The following CCDC178 variants were observed in gnomAD, a reference collection of about 807,000 sequenced individuals.
CCDC178 encodes coiled-coil domain containing 178.
CCDC178 carries 126 observed loss-of-function variants against 117.4 expected under a neutral mutation model. That is an observed-to-expected ratio of 1.07 (90% CI 0.93 to 1.24). The LOEUF (loss-of-function observed/expected upper bound fraction) is 1.24, where lower values mean the gene tolerates loss of function less well. Among genes scored for constraint, CCDC178 ranks in the 50% most tolerant of loss-of-function variants. CCDC178 has a pLI of 0.00. For missense variants in CCDC178, 1,030 were observed against 986.9 expected (o/e 1.04, Z -0.59); for synonymous variants, 283 against 313.4 (o/e 0.90, Z 1.02).
chr18:33,348,836 A>G, intron 8 of CCDC178, 54 bp downstream of exon 8: 1 of 1,053,876 alleles, frequency 9.5e-7, no homozygotes, highest in African/African-American at 1.6e-5. Flanking sequence ...TATTAAATGA[A>G]GTCAATGAAC....
At chr18:33,115,930 TAA>T (rs1033380979) in intron 20 of CCDC178, among the ~76,000 whole-genome samples, 47 of 152,262 alleles carry the variant, frequency 3.1e-4, no homozygotes, top group African/African-American at 1.1e-3. Flanking sequence ...TAATTCTTAC[TAA>T]GTTTATTTTG....
At chr18:32,982,606 TA>T (rs1190717308) in intron 21 of CCDC178, among the ~76,000 whole-genome samples, 5 of 152,134 alleles carry the variant, frequency 3.3e-5, no homozygotes, top group Non-Finnish European at 7.4e-5. Flanking sequence ...AACATCTTTA[TA>T]AAAACTGGAA....
chr18:33,337,717 T>C (rs868236034), intron 9 of CCDC178, among the ~76,000 whole-genome samples: 2 of 152,134 alleles, frequency 1.3e-5, no homozygotes, highest in South Asian at 2.1e-4. Context: ...TGTAGAAGAA[T>C]GAAACTAGAT....
chr18:33,293,032 T>G lies in CCDC178; in HGVS notation c.1176+127A>C. ...AATTTGTTATGCAGCAATAGAAAAC[T>G]AATACAGGCAAATTGGCTAAATATA... On this transcript the variant is annotated intron_variant, in intron 12 of 22. Transcript: ENST00000383096. 4 of 595,412 alleles carry G rather than the reference T, an allele frequency of 6.7e-6. No homozygotes were observed. The East Asian group carries it at 9.2e-5, about 14-fold the overall frequency. 36.9% of individuals were successfully genotyped at this position (595,412 alleles called of 1,614,324 possible).
At chr18:32,989,523 C>T (rs2055343069) in intron 21 of CCDC178, among the ~76,000 whole-genome samples, 1 of 152,100 alleles carries the variant, frequency 6.6e-6, no homozygotes, top group Non-Finnish European at 1.5e-5. Context: ...GCCAAACCAC[C>T]TGTGGCAGCT....
intron 2 of CCDC178, among the ~76,000 whole-genome samples, chr18:33,425,763 C>T (rs2064114134): frequency 6.6e-6 from 1 of 152,058 alleles, no homozygotes; most frequent in Admixed American, 6.6e-5. Context: ...CATGATGATA[C>T]TGGGGCTGAT....
At chr18:33,439,581 T>A (rs1001810481) in intron 2 of CCDC178, among the ~76,000 whole-genome samples, 1 of 152,176 alleles carries the variant, frequency 6.6e-6, no homozygotes, top group African/African-American at 2.4e-5. Context: ...TAGCTGAAAA[T>A]CCTCTGGATT....
rs192048363 is a variant in CCDC178 at position 33,113,641 on chromosome 18, C to T, written c.2239-20731G>A. ...AATCTCCAAGCTTCAGGGCATAAAC[C>T]GATCACCAGCTGGGGTGAAAAAGAA... On this transcript the variant is annotated intron_variant, in intron 20 of 22. Coordinates refer to ENST00000383096, the MANE Select transcript of CCDC178 (RefSeq NM_001105528.4). Among the ~76,000 whole-genome samples the T allele has an allele frequency of 1.4e-3, 212 of 152,062 alleles. 3 individuals carry two copies. The highest frequency in any genetic ancestry group is 0.011 in the Admixed American group (171 of 15,242).
chr18:33,127,408 A>G (rs959814853), intron 20 of CCDC178, among the ~76,000 whole-genome samples: 4 of 152,060 alleles, frequency 2.6e-5, no homozygotes, highest in African/African-American at 9.7e-5. Context: ...ACCCATAAAT[A>G]GCTTCATATT....
chr18:33,281,096 G>GTAT (rs1486437921), intron 12 of CCDC178, among the ~76,000 whole-genome samples: 1 of 29,632 alleles, frequency 3.4e-5, no homozygotes. Flanking sequence ...AAAACTTAAA[G>GTAT]TATAATAATA....
At position 33,116,995 on chromosome 18, in the gene CCDC178, T is replaced by C. The variant is rs183763435; in HGVS notation, c.2239-24085A>G. 2.0e-5 allele frequency among the ~76,000 whole-genome samples: 3 copies of C among 152,128 alleles called. No homozygotes were observed. In the East Asian group the frequency reaches 5.8e-4, roughly 30 times the overall value. ...TACCTAGTTGTTTATTTGGTCTGGA[T>C]GGAGAAAAAGCCAGGGGCATGAATC... On this transcript the variant is annotated intron_variant, in intron 20 of 22. Transcript: ENST00000383096.
chr18:33,137,408 G>A (rs1056253937), intron 20 of CCDC178, among the ~76,000 whole-genome samples: 4 of 152,070 alleles, frequency 2.6e-5, no homozygotes, highest in Admixed American at 6.6e-5. Context: ...AATATTAATA[G>A]TAATGTAAAT....
intron 20 of CCDC178, among the ~76,000 whole-genome samples, chr18:33,139,750 T>C (rs2058175273): frequency 6.6e-6 from 1 of 152,130 alleles, no homozygotes. Flanking sequence ...AGCCTCACGA[T>C]GCAAAAAGAA....
intron 7 of CCDC178, among the ~76,000 whole-genome samples, chr18:33,351,984 G>A (rs969043316): frequency 6.6e-6 from 1 of 152,206 alleles, no homozygotes; most frequent in Non-Finnish European, 1.5e-5. Flanking sequence ...GGAAGAGTTT[G>A]AGAAGGACTG....
chr18:33,058,227 C>CA (rs1361707209), intron 21 of CCDC178, among the ~76,000 whole-genome samples: 1 of 151,930 alleles, frequency 6.6e-6, no homozygotes, highest in African/African-American at 2.4e-5. Flanking sequence ...ATTCAAGAGT[C>CA]AAAAAATGGA....
At chr18:33,052,585 T>C (rs910006876) in intron 21 of CCDC178, among the ~76,000 whole-genome samples, 2 of 152,090 alleles carry the variant, frequency 1.3e-5, no homozygotes. Flanking sequence ...TTCATATTGA[T>C]TAAGAGGAAA....
At chr18:33,350,359 G>A (rs1022937786) in intron 7 of CCDC178, among the ~76,000 whole-genome samples, 8 of 151,818 alleles carry the variant, frequency 5.3e-5, no homozygotes, top group Non-Finnish European at 8.8e-5. Context: ...TCACAACATC[G>A]TACAACTATC....
intron 20 of CCDC178, among the ~76,000 whole-genome samples, chr18:33,176,660 T>G (rs549221402): frequency 6.6e-6 from 1 of 152,196 alleles, no homozygotes; most frequent in Non-Finnish European, 1.5e-5. Context: ...TTTCTTTTCC[T>G]TCCTATCCTC....
chr18:33,267,430 G>T (rs774775694), intron 12 of CCDC178, 133 bp from the exon 13 acceptor site: 2 of 522,934 alleles, frequency 3.8e-6, no homozygotes, highest in Admixed American at 3.8e-5. Flanking sequence ...TAGAAAATTC[G>T]GAATCATAAT....
Sources: allele counts gnomAD v4.1 joint callset (sites outside exome capture counted in the v4.1 genomes callset), GRCh38; gene constraint gnomAD v4.1.1; transcripts MANE v1.5; gene names NCBI Gene and HGNC (gene_info 2026-07-23, HGNC 2026-07-21).